NDST4: variants seen among roughly 807,000 people sequenced by gnomAD.
NDST4 encodes the protein N-deacetylase and N-sulfotransferase 4.
A neutral mutation model predicts 100.8 loss-of-function variants in NDST4; 63 were observed. The observed-to-expected ratio is 0.62, with a 90% CI of 0.51 to 0.77. The LOEUF is 0.77. Among genes scored for constraint, NDST4 ranks in the 30% least tolerant of loss-of-function variants. The pLI, the probability that NDST4 is intolerant of heterozygous loss-of-function variation, is 0.00. For missense variants in NDST4, 943 were observed against 1,018.4 expected (o/e 0.93, Z 1.01); for synonymous variants, 377 against 361.8 (o/e 1.04, Z -0.48).
chr4:114,961,764 G>C (rs1726268858), intron 4 of NDST4, among the ~76,000 whole-genome samples: 1 of 151,934 alleles, frequency 6.6e-6, no homozygotes, highest in Non-Finnish European at 1.5e-5. Flanking sequence ...AATAATTAAT[G>C]CTTGTAATTT....
chr4:115,102,914 G>T (rs997846538), intron 1 of NDST4, among the ~76,000 whole-genome samples: 10 of 151,730 alleles, frequency 6.6e-5, no homozygotes, highest in African/African-American at 2.2e-4. Flanking sequence ...TCACCATGTT[G>T]GCAGGCTGGT....
intron 7 of NDST4, among the ~76,000 whole-genome samples, chr4:114,854,066 C>T (rs1184198589): frequency 6.6e-6 from 1 of 152,134 alleles, no homozygotes; most frequent in Admixed American, 6.5e-5. Context: ...TTTATTCATT[C>T]GATCTAACTA....
At chr4:114,963,906 A>G (rs1298918105) in intron 4 of NDST4, among the ~76,000 whole-genome samples, 1 of 152,204 alleles carries the variant, frequency 6.6e-6, no homozygotes, top group Non-Finnish European at 1.5e-5. Context: ...GGCAGCTTCT[A>G]TAATGTCTTC....
At position 115,061,864 on chromosome 4, in the gene NDST4, T is replaced by C. The variant is rs192456085; in HGVS notation, c.978+14195A>G. ...CTTTAAAAAAGCATGGCACACTTAGTTGAAATTGTAATCTTTAAATAAATG... is the reference window on the plus strand; with the variant it reads ...CTTTAAAAAAGCATGGCACACTTAGCTGAAATTGTAATCTTTAAATAAATG... On this transcript the variant is annotated intron_variant, in intron 2 of 13. Transcript: ENST00000264363. Among the ~76,000 whole-genome samples the C allele has an allele frequency of 2.4e-3, 372 of 152,136 alleles. 1 individual carries two copies. The highest frequency in any genetic ancestry group is 4.4e-3 in the Non-Finnish European group (296 of 68,010).
chr4:115,077,446 T>G (rs1300991624), intron 1 of NDST4, among the ~76,000 whole-genome samples, 164 bp from the exon 2 acceptor site: 3 of 152,166 alleles, frequency 2.0e-5, no homozygotes. Flanking sequence ...CTTAACTACC[T>G]AGAGTATAGT....
chr4:114,897,580 A>G (rs917636291), intron 6 of NDST4, among the ~76,000 whole-genome samples: 19 of 152,170 alleles, frequency 1.2e-4, no homozygotes, highest in African/African-American at 4.1e-4. Context: ...TTCAGCTTTC[A>G]CTGGTAAATA....
rs116297691 is a variant in NDST4, at chr4:114,836,068, T to G, written c.2287-2353A>C. Among the ~76,000 whole-genome samples, 603 of 152,364 alleles carry G rather than the reference T, an allele frequency of 4.0e-3. 6 individuals are homozygous for G. The highest frequency in any genetic ancestry group is 0.014 in the African/African-American group (574 of 41,580). On this transcript the variant is annotated intron_variant, in intron 11 of 13. Coordinates refer to ENST00000264363, the MANE Select transcript of NDST4 (RefSeq NM_022569.3). ...AGTGGGCCTTGAATATGTATCTGAT[T>G]TGCCAATCTGTGTCTTTGAATTGGG...
rs1221108713 is a variant in NDST4, at chr4:114,986,830, A to ATTTATTTATT, written c.979-9557_979-9556insAATAAATAAA. Among the ~76,000 whole-genome samples the ATTTATTTATT allele has an allele frequency of 1.4e-4, 13 of 91,962 alleles. 1 individual carries two copies. The highest frequency in any genetic ancestry group is 5.1e-4 in the African/African-American group (12 of 23,322). 60.3% of individuals were successfully genotyped at this position (91,962 alleles called of 152,430 possible). A position where few individuals can be genotyped will look rare whatever the true frequency, so the allele number is the denominator to read the frequency against. Reference sequence around the variant, plus strand: ...TATATATATATATATATATATATATATATTTTAATATACTATTCCTATAAG... The same window carrying ATTTATTTATT: ...TATATATATATATATATATATATATATTTATTTATTTATTTTAATATACTATTCCTATAAG... On this transcript the variant is annotated intron_variant, in intron 2 of 13. Coordinates refer to ENST00000264363, the MANE Select transcript of NDST4 (RefSeq NM_022569.3).
At chr4:115,088,650 C>T (rs1729454434) in intron 1 of NDST4, among the ~76,000 whole-genome samples, 1 of 151,870 alleles carries the variant, frequency 6.6e-6, no homozygotes, top group African/African-American at 2.4e-5. Context: ...CCACTCCCGC[C>T]CCCAATCCAA....
intron 2 of NDST4, among the ~76,000 whole-genome samples, chr4:114,997,683 C>T (rs918301382): frequency 6.6e-6 from 1 of 152,030 alleles, no homozygotes; most frequent in Non-Finnish European, 1.5e-5. Context: ...CTTCATGTTT[C>T]TCACATAAAT....
At chr4:114,951,217 T>G (rs1188488630) in intron 4 of NDST4, among the ~76,000 whole-genome samples, 1 of 152,110 alleles carries the variant, frequency 6.6e-6, no homozygotes, top group Non-Finnish European at 1.5e-5. Flanking sequence ...ACACTTTAAT[T>G]AATTTTTTCA....
At chr4:114,833,063 T>G (rs1181762615) in intron 12 of NDST4, among the ~76,000 whole-genome samples, 2 of 152,204 alleles carry the variant, frequency 1.3e-5, no homozygotes, top group Non-Finnish European at 1.5e-5. Context: ...GACCCACAGA[T>G]TCCATGAGCA....
intron 7 of NDST4, among the ~76,000 whole-genome samples, chr4:114,853,097 G>T (rs1307083880): frequency 6.6e-6 from 1 of 152,016 alleles, no homozygotes; most frequent in African/African-American, 2.4e-5. Context: ...CTATTTCTTG[G>T]TTTATGTTTT....
intron 3 of NDST4, among the ~76,000 whole-genome samples, chr4:114,975,211 G>A (rs1021074528): frequency 9.9e-5 from 15 of 152,078 alleles, no homozygotes; most frequent in African/African-American, 2.9e-4. Flanking sequence ...AATTATGATG[G>A]CACTCTTGAA....
chr4:115,082,506 T>C (rs1010334068), intron 1 of NDST4, among the ~76,000 whole-genome samples: 3 of 152,246 alleles, frequency 2.0e-5, no homozygotes, highest in East Asian at 1.9e-4. Flanking sequence ...ATACGTGTGG[T>C]TGTTTCTTTG....
At chr4:114,910,125 G>C (rs1403144940) in intron 6 of NDST4, among the ~76,000 whole-genome samples, 2 of 152,140 alleles carry the variant, frequency 1.3e-5, no homozygotes, top group Admixed American at 6.6e-5. Context: ...ACACTGAAGA[G>C]ATATGATCAC....
At chr4:115,038,406 G>A (rs1032270364) in intron 2 of NDST4, among the ~76,000 whole-genome samples, 7 of 152,022 alleles carry the variant, frequency 4.6e-5, no homozygotes, top group Admixed American at 2.0e-4. Flanking sequence ...AAGGAAAGCC[G>A]TCAAAGACAG....
rs558039562 is a variant in NDST4 at position 114,986,767 on chromosome 4, T to A, written c.979-9493A>T. On this transcript the variant is annotated intron_variant, in intron 2 of 13. Coordinates refer to ENST00000264363, the MANE Select transcript of NDST4 (RefSeq NM_022569.3). ...CTGGCATTTTTGTTTATAATTTAGT[T>A]CCTCTAAGCCTGGTATCCAATTATA... Among the ~76,000 whole-genome samples, 6 of 138,164 alleles carry A rather than the reference T, an allele frequency of 4.3e-5. No individual in the cohort carries two copies. The East Asian group carries it at 1.3e-3, about 31-fold the overall frequency. 90.6% of individuals were successfully genotyped at this position (138,164 alleles called of 152,430 possible). A position where few individuals can be genotyped will look rare whatever the true frequency, so the allele number is the denominator to read the frequency against.
chr4:115,085,614 T>C (rs1729394224), intron 1 of NDST4, among the ~76,000 whole-genome samples: 1 of 152,146 alleles, frequency 6.6e-6, no homozygotes, highest in African/African-American at 2.4e-5. Flanking sequence ...CTGACTGTTT[T>C]ATAAGGTGAT....
Sources: allele counts gnomAD v4.1 joint callset (sites outside exome capture counted in the v4.1 genomes callset), GRCh38; gene constraint gnomAD v4.1.1; transcripts MANE v1.5; gene names NCBI Gene and HGNC (gene_info 2026-07-23, HGNC 2026-07-21).